PARD3B: variants seen among roughly 807,000 people sequenced by gnomAD.
PARD3B encodes partitioning defective 3 homolog B.
PARD3B carries 103 observed loss-of-function variants against 130.2 expected under a neutral mutation model. That is an observed-to-expected ratio of 0.79 (90% CI 0.67 to 0.93). The LOEUF (loss-of-function observed/expected upper bound fraction) is 0.93. Among genes scored for constraint, PARD3B ranks in the 40% least tolerant of loss-of-function variants. The probability of loss-of-function intolerance (pLI) is 0.00; values close to 1 mark genes in which losing one functional copy is unlikely to be tolerated. For missense variants in PARD3B, 1,609 were observed against 1,499.2 expected, an observed-to-expected ratio of 1.07 and a Z score of -1.21; for synonymous variants, 583 against 553.2, an observed-to-expected ratio of 1.05 and a Z score of -0.76.
At chr2:204,701,102 T>C (rs917785832) in intron 2 of PARD3B, among the ~76,000 whole-genome samples, 15 of 152,162 alleles carry the variant, frequency 9.9e-5, no homozygotes, top group Admixed American at 9.8e-4. Context: ...TTTCTTTGAC[T>C]TAACACATTT....
intron 21 of PARD3B, among the ~76,000 whole-genome samples, chr2:205,526,069 G>A (rs2051322649): frequency 6.6e-6 from 1 of 152,140 alleles, no homozygotes; most frequent in African/African-American, 2.4e-5. Context: ...AGTTTCTACT[G>A]GAATTCCCTA....
At chr2:204,985,431 A>G (rs983582382) in intron 3 of PARD3B, among the ~76,000 whole-genome samples, 2 of 152,194 alleles carry the variant, frequency 1.3e-5, no homozygotes, top group South Asian at 2.1e-4. Flanking sequence ...AAAATTGGCT[A>G]TATCAGAATG....
At chr2:205,149,447 C>T (rs561120564) in intron 10 of PARD3B, among the ~76,000 whole-genome samples, 2 of 152,278 alleles carry the variant, frequency 1.3e-5, no homozygotes, top group East Asian at 1.9e-4. Flanking sequence ...TTTTCTACCA[C>T]CCGTCCTCCT....
At chr2:205,557,959 G>C (rs752367198) in intron 22 of PARD3B, among the ~76,000 whole-genome samples, 1 of 152,140 alleles carries the variant, frequency 6.6e-6, no homozygotes, top group African/African-American at 2.4e-5. Flanking sequence ...ATCCCCCACT[G>C]TGTGGAGAAG....
intron 20 of PARD3B, among the ~76,000 whole-genome samples, chr2:205,454,862 C>T: frequency 6.6e-6 from 1 of 152,106 alleles, no homozygotes; most frequent in Non-Finnish European, 1.5e-5. Flanking sequence ...GGTGTAGTCA[C>T]ATCTTACAGG....
intron 20 of PARD3B, among the ~76,000 whole-genome samples, chr2:205,452,937 TCATTTAAG>T (rs2106201000): frequency 6.6e-6 from 1 of 152,300 alleles, no homozygotes; most frequent in East Asian, 1.9e-4. Context: ...ATTAAAGCTG[TCATTTAAG>T]CATTTAAGCA....
chr2:204,945,406 T>G (rs999582411), intron 2 of PARD3B, among the ~76,000 whole-genome samples: 1 of 152,186 alleles, frequency 6.6e-6, no homozygotes, highest in Non-Finnish European at 1.5e-5. Context: ...GGTAGTTTTA[T>G]TGCTATGCAG....
At chr2:204,660,992 G>A (rs2035789456) in intron 1 of PARD3B, among the ~76,000 whole-genome samples, 1 of 152,148 alleles carries the variant, frequency 6.6e-6, no homozygotes, top group South Asian at 2.1e-4. Flanking sequence ...TATTGGATGA[G>A]CAGTTGAGTA....
chr2:204,762,755 CTTTTTCTTT>C (rs1559125073), intron 2 of PARD3B, among the ~76,000 whole-genome samples: 4 of 126,062 alleles, frequency 3.2e-5, no homozygotes, highest in Non-Finnish European at 5.3e-5. Flanking sequence ...TTTTCTTTTT[CTTTTTCTTT>C]TTTTTTTTTT....
At chr2:205,495,083 C>T (rs2049876005) in intron 20 of PARD3B, among the ~76,000 whole-genome samples, 1 of 151,988 alleles carries the variant, frequency 6.6e-6, no homozygotes, top group Non-Finnish European at 1.5e-5. Context: ...GGCTAGATTC[C>T]AAATGCCTTA....
intron 2 of PARD3B, among the ~76,000 whole-genome samples, chr2:204,945,722 A>G (rs1300455373): frequency 3.3e-5 from 5 of 152,202 alleles, no homozygotes. Context: ...ACACAAGCAC[A>G]AATTATAGGT....
chr2:204,916,911 A>G (rs1472936976), intron 2 of PARD3B, among the ~76,000 whole-genome samples: 1 of 152,196 alleles, frequency 6.6e-6, no homozygotes, highest in Non-Finnish European at 1.5e-5. Flanking sequence ...ACTTTAAAGT[A>G]TTTTTCTAGA....
intron 4 of PARD3B, among the ~76,000 whole-genome samples, chr2:205,073,967 T>C (rs1700892563): frequency 6.6e-6 from 1 of 152,202 alleles, no homozygotes; most frequent in Admixed American, 6.5e-5. Context: ...CTCTTTATCT[T>C]ATTAACAGGA....
At chr2:205,504,581 A>T (rs1253399655) in intron 21 of PARD3B, among the ~76,000 whole-genome samples, 1 of 152,240 alleles carries the variant, frequency 6.6e-6, no homozygotes, top group Non-Finnish European at 1.5e-5. Context: ...TGGGTGAAGG[A>T]TATGAACAGA....
chr2:204,825,172 T>A (rs1391531935), intron 2 of PARD3B, among the ~76,000 whole-genome samples: 1 of 152,234 alleles, frequency 6.6e-6, no homozygotes, highest in East Asian at 1.9e-4. Context: ...AGCTGTTATC[T>A]GTTCGTGTAG....
At chr2:205,227,269 A>G (rs2038605550) in intron 15 of PARD3B, among the ~76,000 whole-genome samples, 1 of 152,148 alleles carries the variant, frequency 6.6e-6, no homozygotes, top group Admixed American at 6.5e-5. Flanking sequence ...CAATGCTGAA[A>G]GTGAAGTGTT....
chr2:204,866,685 ATGTG>A (rs2045430402), intron 2 of PARD3B, among the ~76,000 whole-genome samples: 1 of 151,878 alleles, frequency 6.6e-6, no homozygotes, highest in African/African-American at 2.4e-5. Flanking sequence ...ATACATATAT[ATGTG>A]TATATATATG....
chr2:204,716,306 G>A (rs1045355210), intron 2 of PARD3B, among the ~76,000 whole-genome samples: 5 of 152,046 alleles, frequency 3.3e-5, no homozygotes, highest in Non-Finnish European at 1.5e-5. Flanking sequence ...ACCCAGAAAT[G>A]AAGAGTCTTG....
At chr2:204,889,110 G>A (rs376613670) in intron 2 of PARD3B, among the ~76,000 whole-genome samples, 7 of 152,112 alleles carry the variant, frequency 4.6e-5, no homozygotes, top group South Asian at 2.1e-4. Context: ...TGAGTAAGCC[G>A]TGCGTCTTTT....
Sources: gnomAD v4.1 joint callset for allele counts (sites outside exome capture counted in the v4.1 genomes callset) on GRCh38, gnomAD v4.1.1 for gene constraint, MANE v1.5 for transcripts, NCBI Gene and HGNC (gene_info 2026-07-23, HGNC 2026-07-21) for gene names.